TRUB2: variants seen among roughly 807,000 people sequenced by gnomAD.
TRUB2 encodes the protein TruB pseudouridine synthase family member 2, also known as pseudouridylate synthase TRUB2, mitochondrial.
Under a neutral mutation model 31.9 loss-of-function variants are expected in TRUB2, and 31 were observed. That is an observed-to-expected ratio of 0.97 (90% CI 0.73 to 1.31). The LOEUF (loss-of-function observed/expected upper bound fraction) is 1.31, where lower values mean the gene tolerates loss of function less well. Ranked by LOEUF, TRUB2 falls within the 50% of genes most tolerant of loss-of-function variation. The pLI is 0.00. For synonymous variants in TRUB2, 201 were observed against 182.6 expected, an observed-to-expected ratio of 1.10 and a Z score of -0.81; for missense variants, 451 against 439.6, an observed-to-expected ratio of 1.03 and a Z score of -0.23.
chr9:128,305,723 G>T lies in TRUB2; in HGVS notation c.*3827C>A, dbSNP rs1831854436. ...GCTTTTTCTTTTTTTCTGACATAGG[G>T]TCTCGCTCTGTTGCCCAGGCTGGAG... On this transcript the variant is annotated 3_prime_UTR_variant, in exon 8 of 8. Transcript: ENST00000372890. 6.6e-6 allele frequency: 1 copy of T among 151,994 alleles called. No homozygotes were observed. Among genetic ancestry groups the T allele is most frequent in the African/African-American group, 2.4e-5 (1 of 41,354 alleles). The allele number at this position is 151,994 out of a possible 1,614,324, so 9.4% of individuals were successfully genotyped here.
rs777565100 is a variant in TRUB2, at chr9:128,310,900, C to T, written c.657G>A (p.Pro219=). Residue 219 remains proline, a synonymous_variant, in exon 7 of 8, where the codon CCG becomes CCA. Transcript: ENST00000372890. ...TGGCCAACCTACCTAAGAGGAATTC[C>T]GGAGGTGCAAAGTAGAGGCATCGGA... The part of the protein sequence containing the change: ...TGIRCLYFAP[P]EFLLEVQCMH... 1.5e-5 allele frequency: 25 copies of T among 1,614,036 alleles called. No individual in the cohort carries two copies. The highest frequency in any genetic ancestry group is 3.3e-5 in the Admixed American group (2 of 59,998).
Position 128,307,847 on chromosome 9 carries a change from A to C in TRUB2, c.*1703T>G, listed in dbSNP as rs1290823480. On this transcript the variant is annotated 3_prime_UTR_variant, in exon 8 of 8. Coordinates refer to ENST00000372890, the MANE Select transcript of TRUB2 (RefSeq NM_015679.3). ...AGCCTGAGAGGACAAAGCTGCAGTGAGTCATGTTTGCATCACTGCACTCCA... is the reference window on the plus strand; with the variant it reads ...AGCCTGAGAGGACAAAGCTGCAGTGCGTCATGTTTGCATCACTGCACTCCA... The C allele has an allele frequency of 1.3e-5, 2 of 152,240 alleles. No homozygotes were observed. The highest frequency in any genetic ancestry group is 2.9e-5 in the Non-Finnish European group (2 of 68,126). The allele number at this position is 152,240 out of a possible 1,614,324, so 9.4% of individuals were successfully genotyped here.
At chr9:128,319,202 TG>T (rs1832120006) in intron 2 of TRUB2, among the ~76,000 whole-genome samples, 1 of 151,850 alleles carries the variant, frequency 6.6e-6, no homozygotes, top group Non-Finnish European at 1.5e-5. Flanking sequence ...GGCGGGCGCC[TG>T]TAGTCCCAGC....
chr9:128,317,621 C>T (rs1255654066), intron 2 of TRUB2, among the ~76,000 whole-genome samples: 2 of 152,142 alleles, frequency 1.3e-5, no homozygotes, highest in Admixed American at 1.3e-4. Context: ...GAAAGAACTA[C>T]TGAAAGAATA....
intron 2 of TRUB2, among the ~76,000 whole-genome samples, chr9:128,320,899 C>T (rs1832158419): frequency 6.6e-6 from 1 of 152,166 alleles, no homozygotes; most frequent in South Asian, 2.1e-4. Flanking sequence ...AGTGATTCTC[C>T]TGCCTCAGCC....
chr9:128,310,753 G>A, intron 7 of TRUB2, 134 bp downstream of exon 7: 1 of 1,277,488 alleles, frequency 7.8e-7, no homozygotes, highest in Non-Finnish European at 1.1e-6. Context: ...TGATGCCTTG[G>A]CCCGCAGAGA....
chr9:128,317,293 T>C (rs913449055), intron 2 of TRUB2, 67 bp from the exon 3 acceptor site: 3 of 1,455,596 alleles, frequency 2.1e-6, no homozygotes, highest in African/African-American at 2.8e-5. Flanking sequence ...TTGGGCTGCA[T>C]GTTGACCTCG....
intron 2 of TRUB2, among the ~76,000 whole-genome samples, chr9:128,320,329 C>G (rs894224923): frequency 7.1e-6 from 1 of 140,430 alleles, no homozygotes; most frequent in Non-Finnish European, 1.5e-5. Flanking sequence ...GCCACCCCAC[C>G]TGGCTAATTT....
chr9:128,311,829 C>CT (rs1564382879), intron 5 of TRUB2, among the ~76,000 whole-genome samples: 5 of 145,876 alleles, frequency 3.4e-5, no homozygotes, highest in African/African-American at 1.0e-4. Context: ...CAAGGGCACT[C>CT]TATTTTTTTT....
At chr9:128,322,241 C>T in intron 1 of TRUB2, 59 bp downstream of exon 1, 5 of 1,452,160 alleles carry the variant, frequency 3.4e-6, no homozygotes, top group South Asian at 1.1e-5. Flanking sequence ...GGACCAGAAG[C>T]GGAGATGGAC....
rs941624695 is a variant in TRUB2, at chr9:128,306,688, G to C, written c.*2862C>G. 6.6e-5 allele frequency: 10 copies of C among 150,770 alleles called. No homozygotes were observed. Among genetic ancestry groups the C allele is most frequent in the African/African-American group, 2.4e-4 (10 of 41,066 alleles). 9.3% of individuals were successfully genotyped at this position (150,770 alleles called of 1,614,324 possible). A position where few individuals can be genotyped will look rare whatever the true frequency, so the allele number is the denominator to read the frequency against. The stretch of plus-strand genomic sequence containing the variant: ...CCTGACCTCGTGATCCGCCCACCCT[G>C]GCCTCCCAAAGTGCTGGGATTACAG... On this transcript the variant is annotated 3_prime_UTR_variant, in exon 8 of 8. Coordinates refer to ENST00000372890, the MANE Select transcript of TRUB2 (RefSeq NM_015679.3).
Position 128,309,147 on chromosome 9 carries a change from T to G in TRUB2, c.*403A>C. ...TTAATTTTCGTGGGCACATAGTTTA[T>G]TGAGAATTTTTTTTTTTTTGAGATG... On this transcript the variant is annotated 3_prime_UTR_variant, in exon 8 of 8. Transcript: ENST00000372890. 1 of 175,408 alleles carries G rather than the reference T, an allele frequency of 5.7e-6. No homozygotes were observed. Among genetic ancestry groups the G allele is most frequent in the Admixed American group, 5.4e-5 (1 of 18,354 alleles). 10.9% of individuals were successfully genotyped at this position (175,408 alleles called of 1,614,324 possible).
intron 2 of TRUB2, 65 bp downstream of exon 2, chr9:128,321,526 GCACTGGGA>G (rs1216788915): frequency 3.7e-6 from 6 of 1,604,884 alleles, no homozygotes; most frequent in Non-Finnish European, 5.1e-6. Context: ...AGGAATCTGA[GCACTGGGA>G]CACTGACTCG....
chr9:128,319,674 T>C (rs1470928301), intron 2 of TRUB2, among the ~76,000 whole-genome samples: 1 of 151,226 alleles, frequency 6.6e-6, no homozygotes, highest in Non-Finnish European at 1.5e-5. Context: ...AGTCTCACTC[T>C]TTCACCCAGG....
rs1190260022 is a variant in TRUB2 at position 128,309,574 on chromosome 9, C to A, written c.972G>T (p.Gly324=). 1.9e-6 allele frequency: 3 copies of A among 1,612,732 alleles called. No individual in the cohort carries two copies. The highest frequency in any genetic ancestry group is 1.3e-5 in the African/African-American group (1 of 75,034). ...TTCACTGCCCCGCACCCCTCTCCAG[C>A]CCCAAGGTAGAGCTCGGGCCCTGGG... ...WDSQGPSSTL[G]LERGAGQ Residue 324 remains glycine (G), a synonymous_variant, in exon 8 of 8, where the codon GGG becomes GGT. Coordinates refer to ENST00000372890, the MANE Select transcript of TRUB2 (RefSeq NM_015679.3).
rs562227577 is a variant in TRUB2 at position 128,317,028 on chromosome 9, A to T, written c.316+124T>A. The T allele has an allele frequency of 2.3e-5, 19 of 820,062 alleles. No homozygotes were observed. The East Asian group carries it at 4.8e-4, about 21-fold the overall frequency. The allele number at this position is 820,062 out of a possible 1,614,324, so 50.8% of individuals were successfully genotyped here. A position where few individuals can be genotyped will look rare whatever the true frequency, so the allele number is the denominator to read the frequency against. On this transcript the variant is annotated intron_variant, in intron 3 of 7. Coordinates refer to ENST00000372890, the MANE Select transcript of TRUB2 (RefSeq NM_015679.3). ...CCCAGCTGATCAGCCTTGGGGCAGG[A>T]ATCAGGGCAGGAGAGGAGTGGTGGG...
intron 1 of TRUB2, among the ~76,000 whole-genome samples, 188 bp downstream of exon 1, chr9:128,322,112 T>C (rs1456743367): frequency 6.6e-6 from 1 of 152,150 alleles, no homozygotes; most frequent in East Asian, 1.9e-4. Flanking sequence ...GGAACAATAC[T>C]GAGTCAGTTT....
In TRUB2 at chr9:128,312,701, G is replaced by A. The variant is rs547606465; in HGVS notation, c.461-1100C>T. Reference sequence around the variant, plus strand: ...GCAATCTCAGCTCACTGCAACCTCCGCCTCCCAGGTTCAAGCGATTCTCCT... The same window carrying A: ...GCAATCTCAGCTCACTGCAACCTCCACCTCCCAGGTTCAAGCGATTCTCCT... On this transcript the variant is annotated intron_variant, in intron 5 of 7. Coordinates refer to ENST00000372890, the MANE Select transcript of TRUB2 (RefSeq NM_015679.3). Among the ~76,000 whole-genome samples the A allele has an allele frequency of 1.4e-4, 20 of 147,636 alleles. No individual in the cohort carries two copies. In the East Asian group the frequency reaches 3.4e-3, roughly 25 times the overall value.
chr9:128,321,733 G>C lies in TRUB2; in HGVS notation c.110-3C>G. 6.2e-7 allele frequency: 1 copy of C among 1,612,826 alleles called. No individual in the cohort carries two copies. The highest frequency in any genetic ancestry group is 2.2e-5 in the East Asian group (1 of 44,890). On this transcript the variant is annotated splice_region_variant and splice_polypyrimidine_tract_variant and intron_variant, in intron 1 of 7. Coordinates refer to ENST00000372890, the MANE Select transcript of TRUB2 (RefSeq NM_015679.3). ...GGGAGGCTTCCTGGCATTGAGACCT[G>C]AACACACAGAGATAATATATACACA...
Sources: gnomAD v4.1 joint callset for allele counts (sites outside exome capture counted in the v4.1 genomes callset) on GRCh38, gnomAD v4.1.1 for gene constraint, MANE v1.5 for transcripts, NCBI Gene and HGNC (gene_info 2026-07-23, HGNC 2026-07-21) for gene names.